SCN8A: variants seen among roughly 807,000 people sequenced by gnomAD.
SCN8A encodes the protein sodium channel protein type 8 subunit alpha.
A neutral mutation model predicts 184.1 loss-of-function variants in SCN8A; 30 were observed. That is an observed-to-expected ratio of 0.16 (90% confidence interval 0.12 to 0.22). SCN8A has a LOEUF of 0.22. Ranked by LOEUF, SCN8A falls within the 10% of genes least tolerant of loss-of-function variation. SCN8A has a pLI of 1.00. For missense variants in SCN8A, 1,057 were observed against 2,498.9 expected (o/e 0.42, Z 12.30); for synonymous variants, 852 against 907.0 (o/e 0.94, Z 1.09).
At chr12:51,714,969 A>G (rs1302454982) in intron 11 of SCN8A, among the ~76,000 whole-genome samples, 1 of 152,230 alleles carries the variant, frequency 6.6e-6, no homozygotes, top group Non-Finnish European at 1.5e-5. Context: ...ACAGGATCCC[A>G]GGATTTAATA....
intron 17 of SCN8A, 92 bp from the exon 18 acceptor site, chr12:51,769,776 G>A: frequency 1.2e-6 from 1 of 811,696 alleles, no homozygotes; most frequent in African/African-American, 1.7e-5. Flanking sequence ...AGTCAGAGCT[G>A]GCCCCTCATC....
At chr12:51,630,342 C>T (rs1345546899) in intron 1 of SCN8A, among the ~76,000 whole-genome samples, 1 of 152,024 alleles carries the variant, frequency 6.6e-6, no homozygotes, top group African/African-American at 2.4e-5. Flanking sequence ...CTAGGGATCT[C>T]ATATAAGAAG....
chr12:51,722,621 C>T (rs1942087509), intron 12 of SCN8A: 1 of 152,100 alleles, frequency 6.6e-6, no homozygotes, highest in African/African-American at 2.4e-5. Context: ...CAATAGGAAA[C>T]TGGACCCAGA....
At chr12:51,655,847 A>G (rs1413404902) in intron 1 of SCN8A, among the ~76,000 whole-genome samples, 3 of 152,220 alleles carry the variant, frequency 2.0e-5, no homozygotes, top group Non-Finnish European at 4.4e-5. Flanking sequence ...CTGCAGGAAG[A>G]TGCACAATGA....
intron 1 of SCN8A, among the ~76,000 whole-genome samples, chr12:51,653,808 T>C (rs1940767266): frequency 6.6e-6 from 1 of 152,240 alleles, no homozygotes; most frequent in Admixed American, 6.5e-5. Context: ...TCTGAATTTC[T>C]CAACATCCTC....
At chr12:51,720,497 CTAATG>C (rs1942035499) in intron 11 of SCN8A, among the ~76,000 whole-genome samples, 1 of 150,554 alleles carries the variant, frequency 6.6e-6, no homozygotes, top group African/African-American at 2.5e-5. Context: ...GGAGAAATAA[CTAATG>C]TAAATGATGA....
chr12:51,747,050 T>C (rs1223470513), intron 13 of SCN8A, among the ~76,000 whole-genome samples: 4 of 151,724 alleles, frequency 2.6e-5, no homozygotes, highest in Non-Finnish European at 5.9e-5. Context: ...AGTTATTTTT[T>C]TAGTCATTTA....
In SCN8A at chr12:51,751,312, C is replaced by A. The variant is rs762878202; in HGVS notation, c.2132-43C>A. 81 of 1,349,294 alleles carry A rather than the reference C, an allele frequency of 6.0e-5. 2 individuals carry two copies. In the South Asian group the frequency reaches 1.0e-3, roughly 17 times the overall value. 83.6% of individuals were successfully genotyped at this position (1,349,294 alleles called of 1,614,324 possible). ...GTGAGTAGTGTGTCCCCCTGGTTTT[C>A]TTGCTGTGATTGAGGGGCCATCTTT... On this transcript the variant is annotated intron_variant, in intron 13 of 26. Coordinates refer to ENST00000627620, the MANE Select transcript of SCN8A (RefSeq NM_001330260.2).
At chr12:51,640,518 G>A (rs147944581) in intron 1 of SCN8A, among the ~76,000 whole-genome samples, 1 of 151,976 alleles carries the variant, frequency 6.6e-6, no homozygotes, top group African/African-American at 2.4e-5. Context: ...CAATAGGTAA[G>A]ATAGCATTCT....
At position 51,706,525 on chromosome 12, in the gene SCN8A, A is replaced by G. The variant is rs769520392; in HGVS notation, c.1445A>G (p.Lys482Arg). 14 of 1,605,618 alleles carry G rather than the reference A, an allele frequency of 8.7e-6. No homozygotes were observed. The highest frequency in any genetic ancestry group is 1.2e-5 in the Non-Finnish European group (14 of 1,176,076). Residue 482 changes from lysine (K) to arginine (R), a missense_variant, in exon 11 of 27, where the codon AAA becomes AGA. Transcript: ENST00000627620. Reference protein sequence around the residue: ...GSPRSSSEISKLSSKSAKERR... With the variant: ...GSPRSSSEISRLSSKSAKERR... ...CCTCGGAGCTCTTCTGAAATCTCTA[A>G]ACTCAGCTCAAAGAGTGCAAAGGAA... is the stretch of plus-strand genomic sequence containing the variant.
intron 5 of SCN8A, among the ~76,000 whole-genome samples, chr12:51,688,416 A>T (rs1299712258): frequency 2.0e-5 from 3 of 152,188 alleles, no homozygotes; most frequent in Non-Finnish European, 2.9e-5. Context: ...CTCTCTTAAG[A>T]AATTGTTCGC....
intron 1 of SCN8A, among the ~76,000 whole-genome samples, chr12:51,607,973 T>G (rs995658994): frequency 6.6e-6 from 1 of 151,978 alleles, no homozygotes; most frequent in African/African-American, 2.4e-5. Flanking sequence ...CTTCTTTCTC[T>G]GTCTTGAGGA....
At chr12:51,602,959 A>G (rs1389364599) in intron 1 of SCN8A, among the ~76,000 whole-genome samples, 1 of 152,166 alleles carries the variant, frequency 6.6e-6, no homozygotes, top group Non-Finnish European at 1.5e-5. Flanking sequence ...AATCTACCCA[A>G]GATAGTATTT....
chr12:51,800,454 C>T (rs546148968), intron 26 of SCN8A, among the ~76,000 whole-genome samples: 1 of 152,374 alleles, frequency 6.6e-6, no homozygotes, highest in East Asian at 1.9e-4. Flanking sequence ...CTAATCTCCA[C>T]AGTCCCTCCA....
At chr12:51,781,382 C>G (rs1198449646) in intron 21 of SCN8A, among the ~76,000 whole-genome samples, 1 of 152,154 alleles carries the variant, frequency 6.6e-6, no homozygotes, top group Non-Finnish European at 1.5e-5. Context: ...TGTCTGATAG[C>G]AAAGCTTTTT....
intron 12 of SCN8A, among the ~76,000 whole-genome samples, chr12:51,744,345 T>G (rs1052661682): frequency 3.9e-5 from 6 of 152,316 alleles, no homozygotes; most frequent in African/African-American, 1.4e-4. Context: ...TGTTCTATTC[T>G]GCAGCTATGC....
At chr12:51,701,327 A>G in intron 8 of SCN8A, 120 bp downstream of exon 8, 1 of 518,694 alleles carries the variant, frequency 1.9e-6, no homozygotes, top group Non-Finnish European at 3.3e-6. Flanking sequence ...TTACAATTGC[A>G]TCTGACCTAT....
chr12:51,788,287 CTTTTTTTT>C (rs66672221), intron 22 of SCN8A, among the ~76,000 whole-genome samples: 2 of 84,006 alleles, frequency 2.4e-5, no homozygotes, highest in African/African-American at 1.0e-4. Context: ...CGCTTAACAC[CTTTTTTTT>C]TTTTTTTTTT....
At chr12:51,672,593 A>G (rs1272253671) in intron 2 of SCN8A, among the ~76,000 whole-genome samples, 1 of 151,812 alleles carries the variant, frequency 6.6e-6, no homozygotes, top group Non-Finnish European at 1.5e-5. Flanking sequence ...AGGACTCCTG[A>G]CTCTAGCCTA....
Sources: gnomAD v4.1 joint callset for allele counts (sites outside exome capture counted in the v4.1 genomes callset) on GRCh38, gnomAD v4.1.1 for gene constraint, MANE v1.5 for transcripts, NCBI Gene and HGNC (gene_info 2026-07-23, HGNC 2026-07-21) for gene names.